Variants in LRRC4 observed in about 807,000 individuals in gnomAD.
The protein encoded by LRRC4 is leucine-rich repeat-containing protein 4.
LRRC4 carries 11 observed loss-of-function variants against 37.9 expected under a neutral mutation model. The observed-to-expected ratio is 0.29, with a 90% CI of 0.18 to 0.48. LRRC4 has a LOEUF of 0.48. Among genes scored for constraint, LRRC4 ranks in the 20% least tolerant of loss-of-function variants. The pLI, the probability that LRRC4 is intolerant of heterozygous loss-of-function variation, is 0.99. For missense variants in LRRC4, 717 were observed against 842.1 expected (o/e 0.85, Z 1.84); for synonymous variants, 404 against 346.7 (o/e 1.17, Z -1.84).
Position 128,030,163 on chromosome 7 carries a change from C to T in LRRC4, c.478G>A (p.Glu160Lys). 2 of 1,614,196 alleles carry T rather than the reference C, an allele frequency of 1.2e-6. No homozygotes were observed. Among genetic ancestry groups the T allele is most frequent in the Non-Finnish European group, 1.7e-6 (2 of 1,180,036 alleles). The change falls in exon 2 of 2, where the codon GAA becomes AAA. Residue 160 changes from glutamate to lysine, a missense_variant. Glu to Lys is a moderately conservative substitution (Grantham distance 56, BLOSUM62 1). Around this residue, in one of 5 missense-constraint regions of LRRC4, gnomAD observed 138 missense variants for 261.0 expected, o/e 0.53. Coordinates refer to ENST00000249363, the MANE Select transcript of LRRC4 (RefSeq NM_022143.5). ...RELWLRNNPI[E>K]SIPSYAFNRV... The stretch of plus-strand genomic sequence containing the variant: ...TTGAAGGCGTAAGAGGGGATGCTTT[C>T]GATGGGGTTGTTGCGAAGCCAGAGC...
rs780446429 is a variant in LRRC4, at chr7:128,028,715, G to A, written c.1926C>T (p.Thr642=). Residue 642 remains threonine, a synonymous_variant, in exon 2 of 2, where the codon ACC becomes ACT. Transcript: ENST00000249363. ...TTTCCTGTACCTTGTCCTTGGTATGGGTCTGAATTATATAAGGTTCAGAGA... is the reference window on the plus strand; with the variant it reads ...TTTCCTGTACCTTGTCCTTGGTATGAGTCTGAATTATATAAGGTTCAGAGA... ...TTISEPYIIQ[T]HTKDKVQETQ... 4 of 1,613,966 alleles carry A rather than the reference G, an allele frequency of 2.5e-6. No homozygotes were observed. The East Asian group carries it at 6.7e-5, about 27-fold the overall frequency.
Position 128,030,109 on chromosome 7 carries a change from A to G in LRRC4, c.532T>C (p.Leu178=). 3 of 1,614,040 alleles carry G rather than the reference A, an allele frequency of 1.9e-6. No homozygotes were observed. Among genetic ancestry groups the G allele is most frequent in the Non-Finnish European group, 2.5e-6 (3 of 1,180,032 alleles). The change falls in exon 2 of 2, where the codon TTG becomes CTG. Residue 178 remains leucine, a synonymous_variant. Coordinates refer to ENST00000249363, the MANE Select transcript of LRRC4 (RefSeq NM_022143.5). ...TACTCCAGCTTCTTGAGCTCCCCCA[A>G]GTCCAGGCGCATGAGGGAGGGCACC... ...NRVPSLMRLD[L]GELKKLEYIS...
In LRRC4 at chr7:128,031,227, C is replaced by T. The variant is rs960937485; in HGVS notation, c.-415G>A. On this transcript the variant is annotated 5_prime_UTR_variant, in exon 1 of 2. Transcript: ENST00000249363. ...GAGCGGCGCCACCAGCGCTTCCCGG[C>T]TTTGTCCTTGGACCCTGGCACCGGC... 6.6e-6 allele frequency among the ~76,000 whole-genome samples: 1 copy of T among 151,186 alleles called. No individual in the cohort carries two copies. Among genetic ancestry groups the T allele is most frequent in the Non-Finnish European group, 1.5e-5 (1 of 67,764 alleles).
At chr7:128,030,856 C>CG (rs1792569938) in intron 1 of LRRC4, 57 bp downstream of exon 1, 1 of 532,894 alleles carries the variant, frequency 1.9e-6, no homozygotes, top group Non-Finnish European at 3.3e-6. Flanking sequence ...GCAAGCCCTC[C>CG]GAAAGCTACG....
At chr7:128,031,452 C>G (rs1000723428), upstream of LRRC4, 1 of 151,762 alleles carries the variant, frequency 6.6e-6, no homozygotes, top group African/African-American at 2.4e-5. Context: ...GCTCGCGGAG[C>G]GGCGAGAGTT....
rs1253314853 is a variant in LRRC4, at chr7:128,029,178, G to T, written c.1463C>A (p.Thr488Asn). ...TTSTGYQPAY[T>N]TSTTVLIQTT... ...CTGAATGAGCACCGTGGTAGAGGTG[G>T]TATATGCCGGCTGGTAACCAGTGGA... The change falls in exon 2 of 2, where the codon ACC becomes AAC. Residue 488 changes from threonine (T) to asparagine (N), a missense_variant. Physicochemically the swap from Thr to Asn is moderately conservative, Grantham distance 65 (BLOSUM62 0). Transcript: ENST00000249363. The surrounding 1 kb of genome is among the most constrained non-coding windows in gnomAD (Gnocchi z 4.2). 2 of 1,613,988 alleles carry T rather than the reference G, an allele frequency of 1.2e-6. No individual in the cohort carries two copies. The highest frequency in any genetic ancestry group is 1.7e-6 in the Non-Finnish European group (2 of 1,180,024).
chr7:128,027,356 A>G lies in LRRC4; in HGVS notation c.*1323T>C, dbSNP rs556073622. The G allele has an allele frequency of 1.3e-5, 2 of 152,690 alleles. No homozygotes were observed. Among genetic ancestry groups the G allele is most frequent in the East Asian group, 3.9e-4 (2 of 5,172 alleles). 9.5% of individuals were successfully genotyped at this position (152,690 alleles called of 1,614,324 possible). On this transcript the variant is annotated 3_prime_UTR_variant, in exon 2 of 2. Transcript: ENST00000249363. ...GCTTCCCATCAGTGTGCTCCATTCA[A>G]CAGTACCCCATGTGGAACTCCATGT...
chr7:128,030,696 C>T lies in LRRC4; in HGVS notation c.-56G>A, dbSNP rs1792562962. ...TGGGATTTTGGCTCGGAAAGGAGAA[C>T]CAGCCCTACCCCGGCTTAAGTGAGC... On this transcript the variant is annotated 5_prime_UTR_variant, in exon 2 of 2. Coordinates refer to ENST00000249363, the MANE Select transcript of LRRC4 (RefSeq NM_022143.5). The T allele has an allele frequency of 2.0e-6, 3 of 1,516,014 alleles. No individual in the cohort carries two copies. Among genetic ancestry groups the T allele is most frequent in the Admixed American group, 2.2e-5 (1 of 46,322 alleles). The allele number at this position is 1,516,014 out of a possible 1,614,324, so 93.9% of individuals were successfully genotyped here. A position where few individuals can be genotyped will look rare whatever the true frequency, so the allele number is the denominator to read the frequency against.
In LRRC4 at chr7:128,029,870, A is replaced by G. The variant is rs774369760; in HGVS notation, c.771T>C (p.Ile257=). ...LWVMNSQVSL[I]ERNAFDGLAS... ...CCAGCCCGTCAAAAGCATTCCGCTC[A>G]ATCAGGCTGACCTGTGAGTTCATGA... The change falls in exon 2 of 2, where the codon ATT becomes ATC. Residue 257 remains isoleucine, a synonymous_variant. Coordinates refer to ENST00000249363, the MANE Select transcript of LRRC4 (RefSeq NM_022143.5). The surrounding 1 kb of genome is among the most constrained non-coding windows in gnomAD (Gnocchi z 4.2). The G allele has an allele frequency of 1.1e-5, 17 of 1,613,268 alleles. No homozygotes were observed. Among genetic ancestry groups the G allele is most frequent in the Non-Finnish European group, 1.4e-5 (17 of 1,180,038 alleles).
In LRRC4 at chr7:128,031,050, G is replaced by GAGGGGAGGGGAGGGGAGGGA; in HGVS notation, c.-258_-239dup. The GAGGGGAGGGGAGGGGAGGGA allele has an allele frequency of 6.7e-6, 1 of 150,124 alleles. No individual in the cohort carries two copies. Among genetic ancestry groups the GAGGGGAGGGGAGGGGAGGGA allele is most frequent in the East Asian group, 2.0e-4 (1 of 5,076 alleles). The allele number at this position is 150,124 out of a possible 1,614,324, so 9.3% of individuals were successfully genotyped here. On this transcript the variant is annotated 5_prime_UTR_variant, in exon 1 of 2. Coordinates refer to ENST00000249363, the MANE Select transcript of LRRC4 (RefSeq NM_022143.5). Reference sequence around the variant, plus strand: ...TGGTGGGGGCGGGGAGGGCAGAGGGGAGGGGAGGGGAGGGGAGGGAAGGGG... The same window carrying GAGGGGAGGGGAGGGGAGGGA: ...TGGTGGGGGCGGGGAGGGCAGAGGGGAGGGGAGGGGAGGGGAGGGAAGGGGAGGGGAGGGGAGGGAAGGGG...
rs184656636 is a variant in LRRC4 at position 128,029,506 on chromosome 7, T to C, written c.1135A>G (p.Met379Val). The C allele has an allele frequency of 1.1e-5, 18 of 1,613,920 alleles. No homozygotes were observed. Among genetic ancestry groups the C allele is most frequent in the African/African-American group, 4.0e-5 (3 of 74,948 alleles). Residue 379 changes from methionine to valine, a missense_variant, in exon 2 of 2, where the codon ATG becomes GTG. Around this residue, in one of 5 missense-constraint regions of LRRC4, gnomAD observed 293 missense variants for 268.3 expected, o/e 1.09. Transcript: ENST00000249363. The surrounding 1 kb of genome is among the most constrained non-coding windows in gnomAD (Gnocchi z 4.2). ...MAELKCRTPP[M>V]SSVKWLLPNG... The stretch of plus-strand genomic sequence containing the variant: ...GGCAGCAACCACTTCACGGAGGACA[T>C]AGGGGGAGTCCGACACTTAAGTTCT...
At position 128,028,889 on chromosome 7, in the gene LRRC4, T is replaced by C. The variant is rs1241441327; in HGVS notation, c.1752A>G (p.Thr584=). ...DIPAATSAAA[T]AAPSGVSGEG... ...CACCTGATACACCGGACGGAGCTGC[T>C]GTTGCTGCTGCGGATGTTGCTGCTG... Residue 584 remains threonine (T), a synonymous_variant, in exon 2 of 2, where the codon ACA becomes ACG. Transcript: ENST00000249363. 6.2e-7 allele frequency: 1 copy of C among 1,614,050 alleles called. No individual in the cohort carries two copies. Among genetic ancestry groups the C allele is most frequent in the Non-Finnish European group, 8.5e-7 (1 of 1,179,922 alleles).
chr7:128,031,331 G>A lies in LRRC4; in HGVS notation c.-519C>T, dbSNP rs1394573774. Among the ~76,000 whole-genome samples, 5 of 151,926 alleles carry A rather than the reference G, an allele frequency of 3.3e-5. No homozygotes were observed. Among genetic ancestry groups the A allele is most frequent in the South Asian group, 2.1e-4 (1 of 4,826 alleles). ...CCGGCCCGCTCTGCGGGCCGCCGCCGGAGGGAGTGCGGGGGCGCCCCGAAG... is the reference window on the plus strand; with the variant it reads ...CCGGCCCGCTCTGCGGGCCGCCGCCAGAGGGAGTGCGGGGGCGCCCCGAAG... On this transcript the variant is annotated 5_prime_UTR_variant, in exon 1 of 2. Transcript: ENST00000249363.
chr7:128,029,776 G>A lies in LRRC4; in HGVS notation c.865C>T (p.Leu289=). The A allele has an allele frequency of 6.2e-7, 1 of 1,613,368 alleles. No homozygotes were observed. Among genetic ancestry groups the A allele is most frequent in the Admixed American group, 1.7e-5 (1 of 59,982 alleles). Residue 289 remains leucine (L), a synonymous_variant, in exon 2 of 2, where the codon CTG becomes TTG. Transcript: ENST00000249363. The surrounding 1 kb of genome is among the most constrained non-coding windows in gnomAD (Gnocchi z 4.2). The part of the protein sequence containing the change: ...SSLPHDLFTP[L]RYLVELHLHH... The stretch of plus-strand genomic sequence containing the variant: ...AGATGCAACTCCACCAGGTACCTCA[G>A]CGGGGTAAAGAGGTCATGGGGCAAA...
Position 128,027,689 on chromosome 7 carries a change from A to G in LRRC4, c.*990T>C, listed in dbSNP as rs1394383645. 1.3e-5 allele frequency: 2 copies of G among 152,220 alleles called. No individual in the cohort carries two copies. Among genetic ancestry groups the G allele is most frequent in the Non-Finnish European group, 1.5e-5 (1 of 68,038 alleles). 9.4% of individuals were successfully genotyped at this position (152,220 alleles called of 1,614,324 possible). On this transcript the variant is annotated 3_prime_UTR_variant, in exon 2 of 2. Coordinates refer to ENST00000249363, the MANE Select transcript of LRRC4 (RefSeq NM_022143.5). ...AAACAAAATCTTTTTTAAAAATCAT[A>G]AAATGCCATCATTGTCTACAATCAT... is the stretch of plus-strand genomic sequence containing the variant.
rs1803532588 is a variant in LRRC4, at chr7:128,028,135, A to G, written c.*544T>C. 1.3e-5 allele frequency: 2 copies of G among 152,650 alleles called. No individual in the cohort carries two copies. Among genetic ancestry groups the G allele is most frequent in the African/African-American group, 4.8e-5 (2 of 41,396 alleles). 9.5% of individuals were successfully genotyped at this position (152,650 alleles called of 1,614,324 possible). ...TCTTCCCCTTAGCCTCTGAAGAAAA[A>G]TATTATTGCCACTATCATTTTGGCA... On this transcript the variant is annotated 3_prime_UTR_variant, in exon 2 of 2. Transcript: ENST00000249363.
chr7:128,030,900 C>G lies in LRRC4; in HGVS notation c.-101+13G>C. 1 of 385,584 alleles carries G rather than the reference C, an allele frequency of 2.6e-6. No individual in the cohort carries two copies. The highest frequency in any genetic ancestry group is 2.0e-5 in the African/African-American group (1 of 48,822). 23.9% of individuals were successfully genotyped at this position (385,584 alleles called of 1,614,324 possible). A position where few individuals can be genotyped will look rare whatever the true frequency, so the allele number is the denominator to read the frequency against. On this transcript the variant is annotated intron_variant, in intron 1 of 1. Transcript: ENST00000249363. ...ACACTGCAACCGTCCCCACCCAGTTCGCCGTCACCTACCTCGGAAGGAAGG... is the reference window on the plus strand; with the variant it reads ...ACACTGCAACCGTCCCCACCCAGTTGGCCGTCACCTACCTCGGAAGGAAGG...
Position 128,029,782 on chromosome 7 carries a change from T to C in LRRC4, c.859A>G (p.Thr287Ala). Residue 287 changes from threonine (T) to alanine (A), a missense_variant, in exon 2 of 2, where the codon ACC becomes GCC. This residue lies in a region of LRRC4 where 138 missense variants were observed against 261.0 expected (regional missense o/e 0.53). Transcript: ENST00000249363. This position sits in a 1 kb window ranked among gnomAD's most constrained non-coding sequence, Gnocchi z 4.2. ...NLSSLPHDLF[T>A]PLRYLVELHL... ...AACTCCACCAGGTACCTCAGCGGGGTAAAGAGGTCATGGGGCAAAGAAGAG... is the reference window on the plus strand; with the variant it reads ...AACTCCACCAGGTACCTCAGCGGGGCAAAGAGGTCATGGGGCAAAGAAGAG... 1.9e-6 allele frequency: 3 copies of C among 1,613,550 alleles called. No homozygotes were observed. Among genetic ancestry groups the C allele is most frequent in the Non-Finnish European group, 2.5e-6 (3 of 1,179,974 alleles).
In LRRC4 at chr7:128,030,673, G is replaced by A; in HGVS notation, c.-33C>T. 1 of 1,523,384 alleles carries A rather than the reference G, an allele frequency of 6.6e-7. No homozygotes were observed. The highest frequency in any genetic ancestry group is 8.8e-7 in the Non-Finnish European group (1 of 1,132,966). The allele number at this position is 1,523,384 out of a possible 1,614,324, so 94.4% of individuals were successfully genotyped here. On this transcript the variant is annotated 5_prime_UTR_variant, in exon 2 of 2. Transcript: ENST00000249363. ...CACGTTCATAATTCACCATCGCCTGGGATTTTGGCTCGGAAAGGAGAACCA... is the reference window on the plus strand; with the variant it reads ...CACGTTCATAATTCACCATCGCCTGAGATTTTGGCTCGGAAAGGAGAACCA...
Sources: gnomAD v4.1 joint callset for allele counts (sites outside exome capture counted in the v4.1 genomes callset) on GRCh38, gnomAD v4.1.1 for gene constraint, gnomAD v4.1.1 regional missense constraint, Gnocchi (gnomAD v3.1) non-coding constraint, MANE v1.5 for transcripts, NCBI Gene and HGNC (gene_info 2026-07-23, HGNC 2026-07-21) for gene names.